The following ATP2B4 variants were observed in gnomAD, a reference collection of about 807,000 sequenced individuals.
ATP2B4 encodes the protein plasma membrane calcium-transporting ATPase 4.
In ATP2B4, 39 loss-of-function variants were observed where a neutral mutation model predicts 110.3. The observed-to-expected ratio is 0.35, with a 90% CI of 0.27 to 0.46. The LOEUF (loss-of-function observed/expected upper bound fraction) is 0.46, where lower values mean the gene tolerates loss of function less well. ATP2B4 is among the 20% of genes least tolerant of loss of function. ATP2B4 has a pLI of 1.00. For synonymous variants in ATP2B4, 538 were observed against 571.7 expected (o/e 0.94, Z 0.84); for missense variants, 1,135 against 1,530.9 (o/e 0.74, Z 4.32).
intron 4 of ATP2B4, 100 bp from the exon 5 acceptor site, chr1:203,700,106 G>A (rs1383367149): frequency 1.0e-5 from 14 of 1,406,844 alleles, no homozygotes; most frequent in Non-Finnish European, 1.2e-5. Context: ...AGGGCCCATG[G>A]GAACAGCCAT....
chr1:203,643,507 C>T (rs747252165), intron 1 of ATP2B4, among the ~76,000 whole-genome samples: 1 of 152,210 alleles, frequency 6.6e-6, no homozygotes, highest in Non-Finnish European at 1.5e-5. Context: ...CACACACCCA[C>T]GCAGAGACTT....
intron 1 of ATP2B4, among the ~76,000 whole-genome samples, chr1:203,634,635 G>A (rs1402861280): frequency 6.6e-6 from 1 of 152,092 alleles, no homozygotes; most frequent in Non-Finnish European, 1.5e-5. Flanking sequence ...CATAGACTGG[G>A]TGGCTTAAGC....
intron 14 of ATP2B4, among the ~76,000 whole-genome samples, chr1:203,713,745 G>A (rs1245284557): frequency 1.2e-4 from 19 of 152,182 alleles, no homozygotes; most frequent in African/African-American, 4.6e-4. Flanking sequence ...GATTAGAGCC[G>A]TGAGCCACCG....
At chr1:203,644,851 CT>C (rs1663745017) in intron 1 of ATP2B4, among the ~76,000 whole-genome samples, 1 of 152,142 alleles carries the variant, frequency 6.6e-6, no homozygotes, top group African/African-American at 2.4e-5. Context: ...TTCACTCTCC[CT>C]CTTCAAACTC....
intron 20 of ATP2B4, 99 bp downstream of exon 20, chr1:203,727,670 C>A: frequency 6.9e-7 from 1 of 1,444,096 alleles, no homozygotes; most frequent in South Asian, 1.3e-5. Flanking sequence ...CATCTCTTCC[C>A]TTCCAAAGGC....
intron 1 of ATP2B4, among the ~76,000 whole-genome samples, chr1:203,639,691 C>T (rs774486581): frequency 5.3e-5 from 8 of 152,162 alleles, no homozygotes; most frequent in Non-Finnish European, 1.0e-4. Context: ...GGCATGGTGC[C>T]GAAGCTGGGT....
intron 1 of ATP2B4, 140 bp downstream of exon 1, chr1:203,627,359 A>ATG (rs1190654232): frequency 6.6e-6 from 1 of 152,072 alleles, no homozygotes; most frequent in East Asian, 1.9e-4. Flanking sequence ...TTTTTAAAAT[A>ATG]TGTGTGTGTG....
In ATP2B4 at chr1:203,739,802, T is replaced by A. The variant is rs756995071; in HGVS notation, c.3566T>A (p.Val1189Glu). 6.2e-7 allele frequency: 1 copy of A among 1,614,162 alleles called. No individual in the cohort carries two copies. ...AACAATGCGGTGGATTGCAACCAAG[T>A]GCAGCTCCCCCAGTCGGACAGCTCT... ...TNNNAVDCNQ[V>E]QLPQSDSSLQ... Residue 1189 changes from valine (V) to glutamate (E), a missense_variant, in exon 21 of 21, where the codon GTG becomes GAG. Val to Glu is a moderately radical substitution (Grantham distance 121). Coordinates refer to ENST00000357681, the MANE Select transcript of ATP2B4 (RefSeq NM_001684.5).
chr1:203,711,909 C>T, intron 12 of ATP2B4, 51 bp from the exon 13 acceptor site: 1 of 1,582,168 alleles, frequency 6.3e-7, no homozygotes, highest in South Asian at 1.2e-5. Flanking sequence ...GGACAGCTTA[C>T]CAGGGTCATC....
chr1:203,723,804 T>C, intron 18 of ATP2B4, 77 bp from the exon 19 acceptor site: 1 of 1,184,850 alleles, frequency 8.4e-7, no homozygotes, highest in South Asian at 1.5e-5. Flanking sequence ...ATGATGTGGC[T>C]TTGGGGGCCT....
intron 1 of ATP2B4, among the ~76,000 whole-genome samples, chr1:203,670,647 A>T (rs1054866888): frequency 3.3e-5 from 5 of 152,252 alleles, no homozygotes; most frequent in African/African-American, 9.6e-5. Flanking sequence ...AGGAACTAGG[A>T]TGCTGATGAT....
At chr1:203,681,697 G>A (rs545830501) in intron 1 of ATP2B4, among the ~76,000 whole-genome samples, 2 of 152,102 alleles carry the variant, frequency 1.3e-5, no homozygotes, top group Non-Finnish European at 2.9e-5. Context: ...ATGCGTGAGA[G>A]GTAATGCATC....
chr1:203,707,467 G>A (rs1408352605), intron 9 of ATP2B4, among the ~76,000 whole-genome samples: 1 of 147,908 alleles, frequency 6.8e-6, no homozygotes, highest in Non-Finnish European at 1.5e-5. Context: ...TTTTTTTTAA[G>A]ACAGAGTCTC....
intron 1 of ATP2B4, among the ~76,000 whole-genome samples, chr1:203,675,021 T>C (rs1398284791): frequency 1.3e-5 from 2 of 152,174 alleles, no homozygotes. Context: ...ATCTTAATAA[T>C]ACTGATGCCA....
chr1:203,698,414 A>G, intron 3 of ATP2B4, 60 bp downstream of exon 3: 1 of 1,552,784 alleles, frequency 6.4e-7, no homozygotes, highest in African/African-American at 1.4e-5. Context: ...CACCACCACC[A>G]AGCGCTTAGT....
At chr1:203,631,457 C>G (rs573341467) in intron 1 of ATP2B4, among the ~76,000 whole-genome samples, 1 of 152,284 alleles carries the variant, frequency 6.6e-6, no homozygotes, top group East Asian at 1.9e-4. Context: ...TGGAGCAGTG[C>G]GTTTATTGGT....
chr1:203,733,164 C>T (rs955107379), intron 20 of ATP2B4: 30 of 1,501,890 alleles, frequency 2.0e-5, no homozygotes, highest in Non-Finnish European at 2.4e-5. Flanking sequence ...CTTCCTCTTT[C>T]TTCACCTCTC....
At chr1:203,705,062 TTTAAA>T (rs772288847) in intron 8 of ATP2B4, among the ~76,000 whole-genome samples, 81 of 152,308 alleles carry the variant, frequency 5.3e-4, no homozygotes, top group Middle Eastern at 3.4e-3. Flanking sequence ...GCTGCTGCAA[TTTAAA>T]TTAATTAAAA....
chr1:203,712,816 G>A (rs187694193), intron 13 of ATP2B4, among the ~76,000 whole-genome samples: 44 of 152,130 alleles, frequency 2.9e-4, no homozygotes, highest in Admixed American at 7.9e-4. Flanking sequence ...AAGCTTTCCT[G>A]AGCTACATAG....
Sources: allele counts gnomAD v4.1 joint callset (sites outside exome capture counted in the v4.1 genomes callset), GRCh38; gene constraint gnomAD v4.1.1; transcripts MANE v1.5; gene names NCBI Gene and HGNC (gene_info 2026-07-23, HGNC 2026-07-21).